The following SEC14L3 variants were observed in gnomAD, a reference collection of about 807,000 sequenced individuals.
SEC14L3 encodes SEC14-like protein 3.
A neutral mutation model predicts 57.4 loss-of-function variants in SEC14L3; 56 were observed. That is an observed-to-expected ratio of 0.97 (90% CI 0.79 to 1.22). The LOEUF is 1.22. Among genes scored for constraint, SEC14L3 ranks in the 50% most tolerant of loss-of-function variants. The probability of loss-of-function intolerance (pLI) is 0.00; values close to 1 mark genes in which losing one functional copy is unlikely to be tolerated. For missense variants in SEC14L3, 485 were observed against 511.7 expected, an observed-to-expected ratio of 0.95 and a Z score of 0.50; for synonymous variants, 173 against 194.4, an observed-to-expected ratio of 0.89 and a Z score of 0.92.
chr22:30,468,244 A>C (rs1377044690), intron 5 of SEC14L3, among the ~76,000 whole-genome samples: 1 of 150,836 alleles, frequency 6.6e-6, no homozygotes, highest in Admixed American at 6.6e-5. Flanking sequence ...ACACCACTGC[A>C]CTCCAGCCTA....
intron 1 of SEC14L3, 130 bp from the exon 2 acceptor site, chr22:30,470,712 T>A: frequency 1.3e-6 from 2 of 1,510,440 alleles, no homozygotes; most frequent in Admixed American, 2.1e-5. Flanking sequence ...AAGGATGGGT[T>A]AATGGTTGAA....
At chr22:30,452,437 G>C (rs762852849) in intron 12 of SEC14L3, among the ~76,000 whole-genome samples, 6 of 151,396 alleles carry the variant, frequency 4.0e-5, no homozygotes, top group Non-Finnish European at 8.8e-5. Flanking sequence ...GTAGAGACAG[G>C]GTATTGCCAT....
Position 30,466,326 on chromosome 22 carries a change from T to C in SEC14L3, c.580+8A>G. ...AGGCACAAGTAAGTGAAGTCATTTG[T>C]CACATACCTTTCACGATGAGCATGA... On this transcript the variant is annotated splice_region_variant and intron_variant, in intron 7 of 11. Transcript: ENST00000215812. The C allele has an allele frequency of 6.2e-7, 1 of 1,613,160 alleles. No homozygotes were observed. The highest frequency in any genetic ancestry group is 1.1e-5 in the South Asian group (1 of 90,980).
downstream of SEC14L3, among the ~76,000 whole-genome samples, chr22:30,457,180 T>C (rs2146093532): frequency 6.6e-6 from 1 of 152,120 alleles, no homozygotes; most frequent in Middle Eastern, 3.4e-3. Context: ...CTCCCAAGGA[T>C]TCCATGACAT....
At chr22:30,454,927 AATAG>A (rs1373944570), downstream of SEC14L3, among the ~76,000 whole-genome samples, 81 of 32,170 alleles carry the variant, frequency 2.5e-3, 4 homozygotes, top group Non-Finnish European at 3.5e-3. Context: ...TATATTATAT[AATAG>A]ATATATAATA....
downstream of SEC14L3, among the ~76,000 whole-genome samples, chr22:30,454,959 TA>T: frequency 1.3e-4 from 8 of 59,342 alleles, no homozygotes; most frequent in South Asian, 6.4e-4. Context: ...ATATATCATA[TA>T]ATAGATATAT....
intron 12 of SEC14L3, among the ~76,000 whole-genome samples, chr22:30,453,693 G>A (rs866339519): frequency 1.2e-4 from 18 of 152,182 alleles, no homozygotes; most frequent in African/African-American, 2.7e-4. Flanking sequence ...GATTACAGGC[G>A]TGAGCCGCCG....
intron 7 of SEC14L3, 147 bp downstream of exon 7, chr22:30,466,187 A>T: frequency 2.9e-6 from 2 of 690,046 alleles, no homozygotes; most frequent in Middle Eastern, 2.5e-4. Context: ...TTGAGAACTT[A>T]CTCTATGCCA....
chr22:30,467,349 A>T (rs1262898429), intron 5 of SEC14L3, among the ~76,000 whole-genome samples: 1 of 151,946 alleles, frequency 6.6e-6, no homozygotes, highest in African/African-American at 2.4e-5. Context: ...TGAACCATCC[A>T]TCCATTCATT....
downstream of SEC14L3, among the ~76,000 whole-genome samples, chr22:30,454,741 A>T (rs1324159991): frequency 9.8e-5 from 7 of 71,526 alleles, no homozygotes; most frequent in East Asian, 5.4e-4. Flanking sequence ...AATATATAAT[A>T]ATATTATTAT....
chr22:30,449,840 C>A (rs1299331008), intron 12 of SEC14L3, among the ~76,000 whole-genome samples: 1 of 152,178 alleles, frequency 6.6e-6, no homozygotes, highest in Non-Finnish European at 1.5e-5. Flanking sequence ...GTTGGGATTA[C>A]AGATGTGAGC....
At chr22:30,460,691 T>A (rs1422803078) in intron 11 of SEC14L3, among the ~76,000 whole-genome samples, 1 of 470 alleles carries the variant, frequency 2.1e-3, no homozygotes, top group Non-Finnish European at 6.0e-3. Flanking sequence ...AAATTAAGTG[T>A]GGTGCACATG....
chr22:30,459,712 T>C lies in SEC14L3; in HGVS notation c.*309A>G, dbSNP rs1184328481. On this transcript the variant is annotated 3_prime_UTR_variant, in exon 12 of 12. Coordinates refer to ENST00000215812, the MANE Select transcript of SEC14L3 (RefSeq NM_174975.5). ...CGGAAGGAATTCAAGCATACACACC[T>C]GCCTTAGGGTAGGTGAGGACAAAGG... The C allele has an allele frequency of 1.9e-6, 2 of 1,056,536 alleles. No individual in the cohort carries two copies. Among genetic ancestry groups the C allele is most frequent in the Non-Finnish European group, 1.1e-6 (1 of 873,006 alleles). 65.4% of individuals were successfully genotyped at this position (1,056,536 alleles called of 1,614,324 possible).
chr22:30,464,959 C>T (rs1935373973), intron 7 of SEC14L3, 56 bp from the exon 8 acceptor site: 4 of 1,611,594 alleles, frequency 2.5e-6, no homozygotes, highest in African/African-American at 2.7e-5. Flanking sequence ...GGGCAACCCC[C>T]TCCATAATGG....
chr22:30,454,508 TATAATAATATTATTATATATAATCTATA>T (rs1935044487), downstream of SEC14L3, among the ~76,000 whole-genome samples: 3 of 136,212 alleles, frequency 2.2e-5, no homozygotes, highest in South Asian at 2.1e-4. Context: ...ATATATAATC[TATAATAATATTATTATATATAATCTATA>T]ATAATATTAT....
chr22:30,448,992 G>A (rs1016320987), exon 13 of SEC14L3: 19 of 1,189,372 alleles, frequency 1.6e-5, no homozygotes, highest in Non-Finnish European at 2.2e-5. Flanking sequence ...GCATGGCAAG[G>A]CGGTCAGGAG....
At chr22:30,448,997 C>T in exon 13 of SEC14L3, 2 of 1,287,678 alleles carry the variant, frequency 1.6e-6, no homozygotes, top group Non-Finnish European at 2.2e-6. Flanking sequence ...GCAAGGCGGT[C>T]AGGAGCCCAA....
Position 30,465,612 on chromosome 22 carries a change from C to A in SEC14L3, c.581-709G>T, listed in dbSNP as rs1278788771. ...ACAAACCAGGCAACCAACTAACCAA[C>A]CTGCTAACCAGGCAACCAACTAACT... is the stretch of plus-strand genomic sequence containing the variant. On this transcript the variant is annotated intron_variant, in intron 7 of 11. Transcript: ENST00000215812. Among the ~76,000 whole-genome samples, 7 of 152,196 alleles carry A rather than the reference C, an allele frequency of 4.6e-5. No homozygotes were observed. The South Asian group carries it at 1.2e-3, about 27-fold the overall frequency.
At chr22:30,447,846 G>A (rs1934907517), downstream of SEC14L3, 1 of 152,182 alleles carries the variant, frequency 6.6e-6, no homozygotes, top group Non-Finnish European at 1.5e-5. Context: ...TTTGGCTTGG[G>A]CCCAGCTCAG....
Sources: gnomAD v4.1 joint callset for allele counts (sites outside exome capture counted in the v4.1 genomes callset) on GRCh38, gnomAD v4.1.1 for gene constraint, MANE v1.5 for transcripts, NCBI Gene and HGNC (gene_info 2026-07-23, HGNC 2026-07-21) for gene names.